HELZ: variants seen among roughly 807,000 people sequenced by gnomAD.
HELZ encodes the protein helicase with zinc finger, also known as ATP-dependent RNA helicase with zinc finger domain.
HELZ carries 23 observed loss-of-function variants against 218.2 expected under a neutral mutation model. That is an observed-to-expected ratio of 0.11 (90% confidence interval 0.08 to 0.15). HELZ has a LOEUF of 0.15. Ranked by LOEUF, HELZ falls within the 10% of genes least tolerant of loss-of-function variation. The pLI is 1.00. For synonymous variants in HELZ, 814 were observed against 829.4 expected (o/e 0.98, Z 0.32); for missense variants, 1,813 against 2,353.7 (o/e 0.77, Z 4.75).
chr17:67,195,785 T>A (rs1402035995), intron 7 of HELZ, among the ~76,000 whole-genome samples: 1 of 151,508 alleles, frequency 6.6e-6, no homozygotes, highest in Non-Finnish European at 1.5e-5. Context: ...TTATTCACTT[T>A]ACTCTCCTCT....
chr17:67,104,382 T>G (rs553071039), intron 31 of HELZ, among the ~76,000 whole-genome samples: 48 of 147,368 alleles, frequency 3.3e-4, no homozygotes, highest in African/African-American at 1.2e-3. Context: ...GAGCTTGCAG[T>G]GAGCCGAGAT....
At chr17:67,227,687 T>C (rs2040931476) in intron 3 of HELZ, among the ~76,000 whole-genome samples, 1 of 152,218 alleles carries the variant, frequency 6.6e-6, no homozygotes, top group South Asian at 2.1e-4. Flanking sequence ...AATTGCATCA[T>C]AGCTAGATGG....
At position 67,120,415 on chromosome 17, in the gene HELZ, T is replaced by A. The variant is rs756397483; in HGVS notation, c.3828A>T (p.Gln1276His). ...CGAAGTACAACTTACCATTTCGATT[T>A]TGCTCATGTTGATCCTTCTCCTGAT... ...NQHQEKDQHE[Q>H]NRNGKSDTNN... Residue 1276 changes from glutamine to histidine, a missense_variant, in exon 27 of 33, where the codon CAA becomes CAT. Coordinates refer to ENST00000358691, the MANE Select transcript of HELZ (RefSeq NM_014877.4). 4.3e-6 allele frequency: 7 copies of A among 1,613,792 alleles called. No homozygotes were observed. The Admixed American group carries it at 1.2e-4, about 27-fold the overall frequency.
chr17:67,086,946 G>T lies in HELZ; in HGVS notation c.5377C>A (p.Gln1793Lys), dbSNP rs767246067. Residue 1793 changes from glutamine (Q) to lysine (K), a missense_variant, in exon 32 of 33, where the codon CAA becomes AAA. Coordinates refer to ENST00000358691, the MANE Select transcript of HELZ (RefSeq NM_014877.4). Reference sequence around the variant, plus strand: ...GGGGATGAAAAGTTGAAAGAAGATTGGTTACTGTGGTCCTGAAGCTCTTTA... The same window carrying T: ...GGGGATGAAAAGTTGAAAGAAGATTTGTTACTGTGGTCCTGAAGCTCTTTA... Reference protein sequence around the residue: ...QCKELQDHSNQSSFNFSSPES... With the variant: ...QCKELQDHSNKSSFNFSSPES... 8.7e-6 allele frequency: 14 copies of T among 1,613,706 alleles called. No individual in the cohort carries two copies. The East Asian group carries it at 2.7e-4, about 31-fold the overall frequency.
chr17:67,136,315 T>C, intron 22 of HELZ, 117 bp from the exon 23 acceptor site: 1 of 699,264 alleles, frequency 1.4e-6, no homozygotes, highest in Non-Finnish European at 2.4e-6. Flanking sequence ...GGCGAAGATG[T>C]GGAGAAACTG....
rs147813243 is a variant in HELZ at position 67,172,768 on chromosome 17, G to A, written c.1431-4972C>T. Reference sequence around the variant, plus strand: ...CCACAGGTGCACACCATCACGCCCAGCTAATTTTTGTATTTTTTGTAGAGA... The same window carrying A: ...CCACAGGTGCACACCATCACGCCCAACTAATTTTTGTATTTTTTGTAGAGA... On this transcript the variant is annotated intron_variant, in intron 13 of 32. Coordinates refer to ENST00000358691, the MANE Select transcript of HELZ (RefSeq NM_014877.4). Among the ~76,000 whole-genome samples, 736 of 152,180 alleles carry A rather than the reference G, an allele frequency of 4.8e-3. 3 individuals carry two copies. The highest frequency in any genetic ancestry group is 0.017 in the Middle Eastern group (5 of 294).
rs2035955362 is a variant in HELZ, at chr17:67,073,977, G to T, written c.*4275C>A. 6.6e-6 allele frequency: 1 copy of T among 152,134 alleles called. No homozygotes were observed. The highest frequency in any genetic ancestry group is 2.4e-5 in the African/African-American group (1 of 41,434). 9.4% of individuals were successfully genotyped at this position (152,134 alleles called of 1,614,324 possible). On this transcript the variant is annotated 3_prime_UTR_variant, in exon 33 of 33. Transcript: ENST00000358691. ...CTTTCAAGATGGAGATGGTGTCTTT[G>T]TAAGTGATTGGCACCACTACGTGAT...
chr17:67,097,605 G>T (rs1309220596), intron 31 of HELZ, among the ~76,000 whole-genome samples: 1 of 152,132 alleles, frequency 6.6e-6, no homozygotes, highest in African/African-American at 2.4e-5. Context: ...ATACCAGAAC[G>T]AATACAATAT....
At chr17:67,224,612 G>A (rs2040841748) in intron 3 of HELZ, 1 of 517,308 alleles carries the variant, frequency 1.9e-6, no homozygotes, top group Non-Finnish European at 3.6e-6. Context: ...ATAACAGTAA[G>A]TGTAAAGAGA....
At chr17:67,244,663 TCCCCACGCCCCCGCTCCAGC>T in intron 1 of HELZ, 1 of 975,568 alleles carries the variant, frequency 1.0e-6, no homozygotes, top group Non-Finnish European at 1.2e-6. Flanking sequence ...GACCCACTTT[TCCCCACGCCCCCGCTCCAGC>T]CCCCACCCCA....
chr17:67,196,576 G>GGAT (rs2040035611), intron 7 of HELZ, among the ~76,000 whole-genome samples: 1 of 127,678 alleles, frequency 7.8e-6, no homozygotes, highest in South Asian at 2.2e-4. Context: ...TTAGTTGGAT[G>GGAT]GATGGATGGA....
chr17:67,074,957 G>C lies in HELZ; in HGVS notation c.*3295C>G, dbSNP rs563185954. On this transcript the variant is annotated 3_prime_UTR_variant, in exon 33 of 33. Coordinates refer to ENST00000358691, the MANE Select transcript of HELZ (RefSeq NM_014877.4). The stretch of plus-strand genomic sequence containing the variant: ...TCTGTGTGAGGAAAGGAAAATTAAG[G>C]TCATGTTAGTTTAAATGGTCAATAA... 3 of 151,928 alleles carry C rather than the reference G, an allele frequency of 2.0e-5. No homozygotes were observed. The East Asian group carries it at 5.8e-4, about 29-fold the overall frequency. The allele number at this position is 151,928 out of a possible 1,614,324, so 9.4% of individuals were successfully genotyped here. A position where few individuals can be genotyped will look rare whatever the true frequency, so the allele number is the denominator to read the frequency against.
chr17:67,089,010 G>A lies in HELZ; in HGVS notation c.5242-1929C>T, dbSNP rs193254719. 2.3e-4 allele frequency among the ~76,000 whole-genome samples: 35 copies of A among 152,172 alleles called. No individual in the cohort carries two copies. The East Asian group carries it at 6.6e-3, about 29-fold the overall frequency. On this transcript the variant is annotated intron_variant, in intron 31 of 32. Coordinates refer to ENST00000358691, the MANE Select transcript of HELZ (RefSeq NM_014877.4). ...TTTTTTTTAAATCAAGGTTTGTAAT[G>A]AAGACAATTAGCTCTTAAAATTGAA...
intron 7 of HELZ, 89 bp downstream of exon 7, chr17:67,201,040 C>T: frequency 3.0e-6 from 3 of 993,246 alleles, no homozygotes; most frequent in Non-Finnish European, 3.2e-6. Flanking sequence ...CTGGCTGATG[C>T]CACAATGGTT....
chr17:67,137,868 C>G, intron 22 of HELZ, 63 bp downstream of exon 22: 1 of 1,200,584 alleles, frequency 8.3e-7, no homozygotes, highest in Non-Finnish European at 1.1e-6. Flanking sequence ...ACTAAAAATC[C>G]AATGTGAACA....
intron 31 of HELZ, among the ~76,000 whole-genome samples, chr17:67,095,376 A>AAAAAC (rs1454406945): frequency 6.6e-6 from 1 of 152,074 alleles, no homozygotes; most frequent in African/African-American, 2.4e-5. Flanking sequence ...AACAAACACC[A>AAAAAC]AAAACAAAAC....
intron 28 of HELZ, among the ~76,000 whole-genome samples, chr17:67,113,782 G>C (rs958576992): frequency 6.6e-6 from 1 of 152,226 alleles, no homozygotes; most frequent in African/African-American, 2.4e-5. Flanking sequence ...AGATACGTGT[G>C]AAAGAAATGC....
rs762117348 is a variant in HELZ, at chr17:67,107,657, G to A, written c.4753C>T (p.His1585Tyr). 6.2e-7 allele frequency: 1 copy of A among 1,613,764 alleles called. No individual in the cohort carries two copies. The highest frequency in any genetic ancestry group is 1.1e-5 in the South Asian group (1 of 91,006). ...TCCCGTGTTTCACTTTGATCACGAT[G>A]AGACAGTTCTCTGATTAAGTCTTGA... ...RFQDLIRELSHRDQSETRELA... is the reference protein window; with the variant it reads ...RFQDLIRELSYRDQSETRELA... The change falls in exon 31 of 33, where the codon CAT (histidine) becomes TAT (tyrosine). Residue 1585 changes from histidine to tyrosine, a missense_variant. By Grantham distance (83) the His-to-Tyr change is moderately conservative (BLOSUM62 2). Coordinates refer to ENST00000358691, the MANE Select transcript of HELZ (RefSeq NM_014877.4).
At chr17:67,117,504 A>T (rs948541466) in intron 27 of HELZ, among the ~76,000 whole-genome samples, 2 of 152,170 alleles carry the variant, frequency 1.3e-5, no homozygotes, top group Non-Finnish European at 2.9e-5. Flanking sequence ...ATATTCATTT[A>T]AGCTTTCACT....
Sources: allele counts gnomAD v4.1 joint callset (sites outside exome capture counted in the v4.1 genomes callset), GRCh38; gene constraint gnomAD v4.1.1; transcripts MANE v1.5; gene names NCBI Gene and HGNC (gene_info 2026-07-23, HGNC 2026-07-21).